The following HECW2 variants were observed in gnomAD, a reference collection of about 807,000 sequenced individuals.
HECW2 encodes the protein E3 ubiquitin-protein ligase HECW2.
A neutral mutation model predicts 175.2 loss-of-function variants in HECW2; 61 were observed. That is an observed-to-expected ratio of 0.35 (90% CI 0.28 to 0.43). The LOEUF is 0.43. Among genes scored for constraint, HECW2 ranks in the 20% least tolerant of loss-of-function variants. The pLI is 1.00. For missense variants in HECW2, 1,524 were observed against 2,000.5 expected, an observed-to-expected ratio of 0.76 and a Z score of 4.54; for synonymous variants, 671 against 731.0, an observed-to-expected ratio of 0.92 and a Z score of 1.32.
At chr2:196,412,712 T>C (rs1309280731) in intron 2 of HECW2, among the ~76,000 whole-genome samples, 5 of 152,266 alleles carry the variant, frequency 3.3e-5, no homozygotes, top group East Asian at 1.9e-4. Context: ...TGCTTTTTCA[T>C]CTTTGCTCTT....
intron 1 of HECW2, among the ~76,000 whole-genome samples, chr2:196,473,644 C>A (rs921243493): frequency 2.0e-5 from 3 of 152,158 alleles, no homozygotes; most frequent in Non-Finnish European, 4.4e-5. Flanking sequence ...CCTATGTCTG[C>A]CAACTTTCTA....
chr2:196,350,134 C>A (rs1174393477), intron 2 of HECW2, among the ~76,000 whole-genome samples: 6 of 152,098 alleles, frequency 3.9e-5, no homozygotes, highest in Middle Eastern at 3.2e-3. Flanking sequence ...GAGGCCGAGG[C>A]AGGCAGATCA....
intron 1 of HECW2, among the ~76,000 whole-genome samples, chr2:196,532,671 TAA>T (rs112896110): frequency 6.6e-6 from 1 of 150,462 alleles, no homozygotes; most frequent in Non-Finnish European, 1.5e-5. Flanking sequence ...AAGTTAATAT[TAA>T]AAAAAAAATT....
chr2:196,253,881 C>T (rs748339978), intron 19 of HECW2, 39 bp downstream of exon 19: 185 of 1,589,560 alleles, frequency 1.2e-4, no homozygotes, highest in Non-Finnish European at 1.6e-4. Context: ...TGAAGGTTCA[C>T]TCCTCAGAGA....
At chr2:196,504,031 C>T (rs548221396) in intron 1 of HECW2, among the ~76,000 whole-genome samples, 3 of 152,174 alleles carry the variant, frequency 2.0e-5, no homozygotes, top group Middle Eastern at 3.4e-3. Context: ...CGCGGTGGCT[C>T]ATGCCTGTAA....
chr2:196,392,037 G>A (rs1694527092), intron 2 of HECW2, among the ~76,000 whole-genome samples: 2 of 152,060 alleles, frequency 1.3e-5, no homozygotes, highest in South Asian at 4.1e-4. Context: ...TACCTGCAAA[G>A]ACCCTACTTC....
intron 1 of HECW2, among the ~76,000 whole-genome samples, chr2:196,455,026 C>T (rs540417763): frequency 1.3e-5 from 2 of 151,376 alleles, no homozygotes; most frequent in Admixed American, 6.6e-5. Flanking sequence ...GACCACAGAC[C>T]CTTTTACTTA....
intron 1 of HECW2, among the ~76,000 whole-genome samples, chr2:196,561,211 G>C (rs1420235403): frequency 6.6e-6 from 1 of 152,200 alleles, no homozygotes; most frequent in African/African-American, 2.4e-5. Context: ...GCCACTCTGG[G>C]GGTGTCTGCC....
chr2:196,581,372 T>C (rs1690775067), intron 1 of HECW2, among the ~76,000 whole-genome samples: 1 of 151,920 alleles, frequency 6.6e-6, no homozygotes. Context: ...CCATCTCTAC[T>C]AAAAATACAA....
chr2:196,565,365 AAAG>A (rs1156821707), intron 1 of HECW2, among the ~76,000 whole-genome samples: 8 of 152,218 alleles, frequency 5.3e-5, no homozygotes, highest in African/African-American at 1.7e-4. Context: ...ATAGGAAACC[AAAG>A]AAGAATTCTT....
At chr2:196,386,939 AG>A (rs1395871618) in intron 2 of HECW2, among the ~76,000 whole-genome samples, 1 of 152,196 alleles carries the variant, frequency 6.6e-6, no homozygotes, top group African/African-American at 2.4e-5. Flanking sequence ...GCCTTGTTAT[AG>A]CTTATAACAA....
chr2:196,515,348 G>A (rs1435942597), intron 1 of HECW2, among the ~76,000 whole-genome samples: 1 of 152,248 alleles, frequency 6.6e-6, no homozygotes, highest in Non-Finnish European at 1.5e-5. Context: ...GGCCAAGTGG[G>A]CAGAATAAGC....
At chr2:196,348,333 C>A (rs1693036663) in intron 2 of HECW2, among the ~76,000 whole-genome samples, 1 of 151,770 alleles carries the variant, frequency 6.6e-6, no homozygotes, top group Non-Finnish European at 1.5e-5. Context: ...TTCAAAATGC[C>A]CCCAACCCAA....
chr2:196,473,595 A>G (rs1247272727), intron 1 of HECW2, among the ~76,000 whole-genome samples: 1 of 152,220 alleles, frequency 6.6e-6, no homozygotes, highest in Non-Finnish European at 1.5e-5. Context: ...GTCAAAAAAT[A>G]TCTTGAACTA....
chr2:196,390,501 A>T (rs78749802), intron 2 of HECW2, among the ~76,000 whole-genome samples: 2 of 152,168 alleles, frequency 1.3e-5, no homozygotes, highest in African/African-American at 2.4e-5. Flanking sequence ...TGGAAAACTA[A>T]ACACACTAGG....
chr2:196,510,691 T>C (rs564074009), intron 1 of HECW2, among the ~76,000 whole-genome samples: 25 of 152,324 alleles, frequency 1.6e-4, no homozygotes, highest in African/African-American at 6.0e-4. Flanking sequence ...ATGGGAATTG[T>C]TATTTTTTTT....
chr2:196,227,676 G>A (rs1201818050), intron 22 of HECW2, among the ~76,000 whole-genome samples: 1 of 152,154 alleles, frequency 6.6e-6, no homozygotes, highest in African/African-American at 2.4e-5. Context: ...TCCTCCCATG[G>A]CAGCCACTGC....
intron 1 of HECW2, among the ~76,000 whole-genome samples, chr2:196,541,651 A>G (rs1689218402): frequency 6.6e-6 from 1 of 152,166 alleles, no homozygotes; most frequent in African/African-American, 2.4e-5. Context: ...AAGTGTGCAT[A>G]AGGAATAATT....
chr2:196,321,044 C>T (rs960427625), intron 7 of HECW2, among the ~76,000 whole-genome samples: 4 of 152,214 alleles, frequency 2.6e-5, no homozygotes, highest in East Asian at 1.9e-4. Context: ...GGGAGAGGAC[C>T]GCTAAGCTCT....
Sources: gnomAD v4.1 joint callset for allele counts (sites outside exome capture counted in the v4.1 genomes callset) on GRCh38, gnomAD v4.1.1 for gene constraint, MANE v1.5 for transcripts, NCBI Gene and HGNC (gene_info 2026-07-23, HGNC 2026-07-21) for gene names.